RSF1: variants seen among roughly 807,000 people sequenced by gnomAD.
RSF1 encodes the protein remodeling and spacing factor 1.
A neutral mutation model predicts 145.2 loss-of-function variants in RSF1; 13 were observed. The observed-to-expected ratio is 0.09, with a 90% confidence interval of 0.06 to 0.14. The LOEUF (loss-of-function observed/expected upper bound fraction) is 0.14. RSF1 is among the 10% of genes least tolerant of loss of function. RSF1 has a pLI of 1.00. For synonymous variants in RSF1, 577 were observed against 592.6 expected (o/e 0.97, Z 0.38); for missense variants, 1,517 against 1,718.2 (o/e 0.88, Z 2.07).
intron 4 of RSF1, chr11:77,735,169 C>T: frequency 1.4e-6 from 1 of 699,268 alleles, no homozygotes; most frequent in Non-Finnish European, 2.6e-6. Flanking sequence ...GGGGGACGAG[C>T]ACCGGGTTCC....
At chr11:77,806,519 G>T (rs868523722) in intron 1 of RSF1, among the ~76,000 whole-genome samples, 2 of 151,592 alleles carry the variant, frequency 1.3e-5, no homozygotes, top group East Asian at 3.9e-4. Flanking sequence ...TATAAAAAAA[G>T]ATTTTTTTTT....
chr11:77,746,177 C>A (rs751785964), intron 3 of RSF1, among the ~76,000 whole-genome samples: 1 of 152,028 alleles, frequency 6.6e-6, no homozygotes, highest in Admixed American at 6.6e-5. Context: ...ATCACAATTA[C>A]CCCCTTGGGA....
intron 1 of RSF1, among the ~76,000 whole-genome samples, chr11:77,803,369 A>AT (rs1288655297): frequency 6.6e-6 from 1 of 151,766 alleles, no homozygotes; most frequent in East Asian, 2.0e-4. Context: ...CTAGTCTTGA[A>AT]TTCCTGAGCT....
intron 5 of RSF1, among the ~76,000 whole-genome samples, chr11:77,710,288 T>C (rs1387781970): frequency 6.6e-6 from 1 of 152,248 alleles, no homozygotes; most frequent in African/African-American, 2.4e-5. Context: ...TATAATTTTT[T>C]TTTTGTAGTG....
chr11:77,790,655 T>G (rs1369842086), intron 1 of RSF1, among the ~76,000 whole-genome samples: 3 of 151,972 alleles, frequency 2.0e-5, no homozygotes, highest in African/African-American at 7.3e-5. Flanking sequence ...ACAATGGGGG[T>G]GCAGGAAGTT....
chr11:77,754,095 T>G (rs1055777054), intron 2 of RSF1, among the ~76,000 whole-genome samples: 1 of 152,216 alleles, frequency 6.6e-6, no homozygotes, highest in Non-Finnish European at 1.5e-5. Context: ...CTTCCACTAT[T>G]GCAATTCAGC....
intron 4 of RSF1, among the ~76,000 whole-genome samples, chr11:77,732,818 G>A (rs1961240824): frequency 6.6e-6 from 1 of 152,092 alleles, no homozygotes; most frequent in Non-Finnish European, 1.5e-5. Flanking sequence ...GCCCAGTCTT[G>A]GGTATGTCTT....
chr11:77,833,448 T>C, the RSF1 span, among the ~76,000 whole-genome samples: 1 of 152,152 alleles, frequency 6.6e-6, no homozygotes, highest in Non-Finnish European at 1.5e-5. Flanking sequence ...CACGCATCTA[T>C]GATCATCTAA....
rs35227998 is a variant in RSF1, at chr11:77,788,497, T to TA, written c.188-23809dup. On this transcript the variant is annotated intron_variant, in intron 1 of 15. Coordinates refer to ENST00000308488, the MANE Select transcript of RSF1 (RefSeq NM_016578.4). ...GGGATAAAAGGTAGAGAAGACAGGT[T>TA]AAAAAAAAAAAAAAAAAGACTAGCG... Among the ~76,000 whole-genome samples the TA allele has an allele frequency of 4.3e-3, 566 of 130,734 alleles. 2 individuals carry two copies. Among genetic ancestry groups the TA allele is most frequent in the African/African-American group, 0.014 (495 of 35,236 alleles). The allele number at this position is 130,734 out of a possible 152,430, so 85.8% of individuals were successfully genotyped here.
chr11:77,732,259 C>T (rs960426199), intron 4 of RSF1, among the ~76,000 whole-genome samples: 8 of 152,340 alleles, frequency 5.3e-5, no homozygotes, highest in Admixed American at 3.9e-4. Flanking sequence ...GCCAACTTAT[C>T]TCATTTGGAA....
At chr11:77,808,416 T>C (rs1948699081) in intron 1 of RSF1, among the ~76,000 whole-genome samples, 1 of 151,866 alleles carries the variant, frequency 6.6e-6, no homozygotes, top group Non-Finnish European at 1.5e-5. Context: ...TCCCAAGCAA[T>C]GATGAAAAGC....
intron 9 of RSF1, among the ~76,000 whole-genome samples, chr11:77,689,538 T>C (rs1473222330): frequency 6.6e-6 from 1 of 152,242 alleles, no homozygotes; most frequent in African/African-American, 2.4e-5. Context: ...CCAAATCCTA[T>C]GAGAACTAAA....
intron 1 of RSF1, among the ~76,000 whole-genome samples, chr11:77,805,422 G>A (rs113597578): frequency 3.3e-5 from 5 of 150,954 alleles, no homozygotes; most frequent in African/African-American, 9.7e-5. Flanking sequence ...GCCTGGGGGA[G>A]AAAGCGAGAC....
At chr11:77,834,754 A>C in the RSF1 span, among the ~76,000 whole-genome samples, 1 of 152,150 alleles carries the variant, frequency 6.6e-6, no homozygotes, top group African/African-American at 2.4e-5. Flanking sequence ...TGGCTAGGAA[A>C]AGACTGAATA....
chr11:77,749,935 G>A (rs577487682), intron 2 of RSF1, among the ~76,000 whole-genome samples: 1 of 152,144 alleles, frequency 6.6e-6, no homozygotes, highest in East Asian at 1.9e-4. Flanking sequence ...TTTTGGTAGA[G>A]ACGAGGTTTC....
intron 3 of RSF1, among the ~76,000 whole-genome samples, chr11:77,743,343 A>G (rs1947962966): frequency 6.6e-6 from 1 of 152,240 alleles, no homozygotes; most frequent in Non-Finnish European, 1.5e-5. Flanking sequence ...CATCTTAACA[A>G]GATTAATTCT....
At chr11:77,744,087 G>GCA (rs1486717806) in intron 3 of RSF1, among the ~76,000 whole-genome samples, 2 of 152,104 alleles carry the variant, frequency 1.3e-5, no homozygotes, top group Non-Finnish European at 2.9e-5. Flanking sequence ...AGAGTGCAGT[G>GCA]GTGTGGTCAC....
At chr11:77,779,684 T>A (rs1226561957) in intron 1 of RSF1, among the ~76,000 whole-genome samples, 4 of 152,198 alleles carry the variant, frequency 2.6e-5, no homozygotes, top group Non-Finnish European at 4.4e-5. Context: ...TAAAATTCTT[T>A]CTAGACACGG....
the RSF1 span, among the ~76,000 whole-genome samples, chr11:77,867,123 G>A: frequency 1.3e-5 from 2 of 152,186 alleles, no homozygotes; most frequent in African/African-American, 4.8e-5. Flanking sequence ...TTACAGGCAT[G>A]AGCCACTGTG....
Sources: allele counts gnomAD v4.1 joint callset (sites outside exome capture counted in the v4.1 genomes callset), GRCh38; gene constraint gnomAD v4.1.1; transcripts MANE v1.5; gene names NCBI Gene and HGNC (gene_info 2026-07-23, HGNC 2026-07-21).